The following COL5A1 variants were observed in gnomAD, a reference collection of about 807,000 sequenced individuals.
COL5A1 encodes collagen alpha-1(V) chain.
COL5A1 carries 16 observed loss-of-function variants against 263.7 expected under a neutral mutation model. The observed-to-expected ratio is 0.06, with a 90% CI of 0.04 to 0.09. The LOEUF is 0.09. Ranked by LOEUF, COL5A1 falls within the 10% of genes least tolerant of loss-of-function variation. The pLI is 1.00. For synonymous variants in COL5A1, 1,012 were observed against 1,004.5 expected (o/e 1.01, Z -0.14); for missense variants, 2,036 against 2,540.5 (o/e 0.80, Z 4.27).
At position 134,798,410 on chromosome 9, in the gene COL5A1, C is replaced by T; in HGVS notation, c.2901C>T (p.Gly967=). 6.2e-7 allele frequency: 1 copy of T among 1,614,094 alleles called. No homozygotes were observed. The highest frequency in any genetic ancestry group is 8.5e-7 in the Non-Finnish European group (1 of 1,179,948). ...CTTTCCTTTGGTTTTTTCTTCAGGGCCCTCCAGGCAAGGATGGACTCCCAG... is the reference window on the plus strand; with the variant it reads ...CTTTCCTTTGGTTTTTTCTTCAGGGTCCTCCAGGCAAGGATGGACTCCCAG... ...TGFPGPKGPP[G]PPGKDGLPGH... The change falls in exon 37 of 66, where the codon GGC becomes GGT. Residue 967 remains glycine (G), a splice_region_variant and synonymous_variant. Coordinates refer to ENST00000371817, the MANE Select transcript of COL5A1 (RefSeq NM_000093.5).
intron 31 of COL5A1, among the ~76,000 whole-genome samples, chr9:134,788,941 C>T (rs897753907): frequency 4.5e-5 from 5 of 110,796 alleles, no homozygotes; most frequent in Non-Finnish European, 8.8e-5. Context: ...GGTAGACAGG[C>T]GGATGAGTGG....
At chr9:134,747,784 C>T (rs527572975) in intron 11 of COL5A1, among the ~76,000 whole-genome samples, 4 of 151,966 alleles carry the variant, frequency 2.6e-5, no homozygotes, top group African/African-American at 9.7e-5. Context: ...CACATGCACA[C>T]ATGCATTCAT....
At chr9:134,740,862 A>T (rs1421321547) in intron 11 of COL5A1, among the ~76,000 whole-genome samples, 1 of 152,204 alleles carries the variant, frequency 6.6e-6, no homozygotes, top group African/African-American at 2.4e-5. Context: ...CCTCAAACTC[A>T]CATCAGGGTC....
intron 20 of COL5A1, among the ~76,000 whole-genome samples, chr9:134,764,355 G>A (rs1360527625): frequency 7.2e-6 from 1 of 138,588 alleles, no homozygotes; most frequent in Non-Finnish European, 1.5e-5. Context: ...AGGGCATTGT[G>A]GGGGATCTGA....
At chr9:134,830,087 C>T (rs76804528) in intron 64 of COL5A1, 43 bp downstream of exon 64, 26,431 of 1,613,336 alleles carry the variant, frequency 0.016, 244 homozygotes, top group Non-Finnish European at 0.018. Context: ...ACTTTAAACC[C>T]GCCCATCTCG....
chr9:134,647,137 A>C lies in COL5A1; in HGVS notation c.109+4841A>C, dbSNP rs1287753588. 6.6e-6 allele frequency among the ~76,000 whole-genome samples: 1 copy of C among 152,168 alleles called. No individual in the cohort carries two copies. Among genetic ancestry groups the C allele is most frequent in the Non-Finnish European group, 1.5e-5 (1 of 68,026 alleles). On this transcript the variant is annotated intron_variant, in intron 1 of 65. Transcript: ENST00000371817. This position sits in a 1 kb window ranked among gnomAD's most constrained non-coding sequence, Gnocchi z 5.0. ...AGCCCTCTTTAGCTCCCAGAAGCAC[A>C]GGCGAGGGAGGTGTGCCTGTGTGGG... is the stretch of plus-strand genomic sequence containing the variant.
At chr9:134,714,660 C>T (rs1292000761) in intron 4 of COL5A1, among the ~76,000 whole-genome samples, 14 of 20,050 alleles carry the variant, frequency 7.0e-4, no homozygotes, top group African/African-American at 2.5e-3. Context: ...GTGGTGGAGG[C>T]GATGATAGTG....
rs895990453 is a variant in COL5A1 at position 134,682,301 on chromosome 9, G to A, written c.110-8611G>A. Among the ~76,000 whole-genome samples the A allele has an allele frequency of 6.6e-6, 1 of 152,204 alleles. No homozygotes were observed. Among genetic ancestry groups the A allele is most frequent in the African/African-American group, 2.4e-5 (1 of 41,458 alleles). On this transcript the variant is annotated intron_variant, in intron 1 of 65. Coordinates refer to ENST00000371817, the MANE Select transcript of COL5A1 (RefSeq NM_000093.5). This position sits in a 1 kb window ranked among gnomAD's most constrained non-coding sequence, Gnocchi z 5.1. ...CCCCAGCCATGCTGCCTGGAGGCCGGGTCCTGAGCGGAGCACTCTGTACCT... is the reference window on the plus strand; with the variant it reads ...CCCCAGCCATGCTGCCTGGAGGCCGAGTCCTGAGCGGAGCACTCTGTACCT...
rs773594235 is a variant in COL5A1, at chr9:134,830,206, G to A, written c.5136+162G>A. 39 of 1,590,822 alleles carry A rather than the reference G, an allele frequency of 2.5e-5. 1 individual carries two copies. Among genetic ancestry groups the A allele is most frequent in the Non-Finnish European group, 3.0e-5 (35 of 1,168,270 alleles). Reference sequence around the variant, plus strand: ...GTGGCCACCTCGGCCCGGCCACCTCGGCACTGCCTGCTTGCGGCACGGCTG... The same window carrying A: ...GTGGCCACCTCGGCCCGGCCACCTCAGCACTGCCTGCTTGCGGCACGGCTG... On this transcript the variant is annotated intron_variant, in intron 64 of 65. Transcript: ENST00000371817.
At chr9:134,666,629 G>A (rs896705998) in intron 1 of COL5A1, among the ~76,000 whole-genome samples, 2 of 152,184 alleles carry the variant, frequency 1.3e-5, no homozygotes. Flanking sequence ...CTCTTGTTTG[G>A]CCTCAGGGTG....
chr9:134,817,895 G>A, intron 54 of COL5A1, 64 bp downstream of exon 54: 2 of 1,497,490 alleles, frequency 1.3e-6, no homozygotes, highest in South Asian at 2.4e-5. Flanking sequence ...CAGAGGGTGG[G>A]GAGTGGACAA....
intron 10 of COL5A1, 42 bp from the exon 11 acceptor site, chr9:134,738,704 G>A (rs768392712): frequency 7.8e-6 from 12 of 1,548,136 alleles, no homozygotes; most frequent in Admixed American, 5.0e-5. Context: ...CTTGCCCTGC[G>A]GCCCCATCTT....
rs1036690740 is a variant in COL5A1 at position 134,830,425 on chromosome 9, G to A, written c.5136+381G>A. On this transcript the variant is annotated intron_variant, in intron 64 of 65. Coordinates refer to ENST00000371817, the MANE Select transcript of COL5A1 (RefSeq NM_000093.5). ...GTTTCTGTGTAGGGCGCGCAGAGCT[G>A]GGTGTGGGCCCCAGCCTGAGCTGAT... 6.9e-6 allele frequency: 4 copies of A among 577,028 alleles called. No homozygotes were observed. The African/African-American group carries it at 7.5e-5, about 11-fold the overall frequency. The allele number at this position is 577,028 out of a possible 1,614,324, so 35.7% of individuals were successfully genotyped here. A position where few individuals can be genotyped will look rare whatever the true frequency, so the allele number is the denominator to read the frequency against.
intron 27 of COL5A1, among the ~76,000 whole-genome samples, chr9:134,775,800 A>G (rs1837031830): frequency 6.6e-6 from 1 of 152,024 alleles, no homozygotes; most frequent in Non-Finnish European, 1.5e-5. Context: ...TGTAGAAATG[A>G]CTCACCAGCT....
chr9:134,807,884 G>C (rs1838353365), intron 42 of COL5A1, among the ~76,000 whole-genome samples: 1 of 152,192 alleles, frequency 6.6e-6, no homozygotes, highest in Non-Finnish European at 1.5e-5. Context: ...AGTTTCAAGA[G>C]AGTAAATATT....
intron 65 of COL5A1, among the ~76,000 whole-genome samples, chr9:134,835,751 G>T (rs374065174): frequency 6.6e-6 from 1 of 152,302 alleles, no homozygotes; most frequent in East Asian, 1.9e-4. Context: ...GAGACCTCAC[G>T]GGCAGTCAGG....
intron 63 of COL5A1, among the ~76,000 whole-genome samples, chr9:134,826,162 C>T (rs1289385048): frequency 6.6e-6 from 1 of 152,244 alleles, no homozygotes; most frequent in Non-Finnish European, 1.5e-5. Flanking sequence ...CGTCCCAGGG[C>T]TGGGACTTCA....
chr9:134,662,909 G>C (rs1365514927), intron 1 of COL5A1, among the ~76,000 whole-genome samples: 1 of 152,228 alleles, frequency 6.6e-6, no homozygotes, highest in Non-Finnish European at 1.5e-5. Context: ...CATCTGCCTC[G>C]TTAGCAGAGA....
chr9:134,813,889 G>A, intron 48 of COL5A1, 94 bp from the exon 49 acceptor site: 1 of 1,415,262 alleles, frequency 7.1e-7, no homozygotes, highest in South Asian at 1.2e-5. Context: ...GGGGCAGGCA[G>A]ACAGCAGGCA....
Sources: gnomAD v4.1 joint callset for allele counts (sites outside exome capture counted in the v4.1 genomes callset) on GRCh38, gnomAD v4.1.1 for gene constraint, Gnocchi (gnomAD v3.1) non-coding constraint, MANE v1.5 for transcripts, NCBI Gene and HGNC (gene_info 2026-07-23, HGNC 2026-07-21) for gene names.